DAPL1: variants seen among roughly 807,000 people sequenced by gnomAD.
DAPL1 encodes the protein death-associated protein-like 1.
In DAPL1, 17 loss-of-function variants were observed where a neutral mutation model predicts 12.9. That is an observed-to-expected ratio of 1.32 (90% CI 0.90 to 1.98). The LOEUF is 1.98. Ranked by LOEUF, DAPL1 falls within the 30% of genes most tolerant of loss-of-function variation. The pLI, the probability that DAPL1 is intolerant of heterozygous loss-of-function variation, is 0.00. For synonymous variants in DAPL1, 51 were observed against 42.0 expected, an observed-to-expected ratio of 1.21 and a Z score of -0.82; for missense variants, 157 against 125.7, an observed-to-expected ratio of 1.25 and a Z score of -1.19.
intron 3 of DAPL1, among the ~76,000 whole-genome samples, chr2:158,814,331 C>T (rs905501499): frequency 6.6e-6 from 1 of 151,964 alleles, no homozygotes; most frequent in African/African-American, 2.4e-5. Flanking sequence ...TCTAATGCAA[C>T]ATTTATGATC....
intron 1 of DAPL1, among the ~76,000 whole-genome samples, chr2:158,796,292 C>T (rs776468230): frequency 2.6e-5 from 4 of 152,174 alleles, no homozygotes; most frequent in Admixed American, 6.5e-5. Flanking sequence ...TTCTCTGGCA[C>T]CTCTAGGCCA....
chr2:158,802,187 G>A (rs1326031816), intron 1 of DAPL1, among the ~76,000 whole-genome samples: 1 of 152,178 alleles, frequency 6.6e-6, no homozygotes, highest in Non-Finnish European at 1.5e-5. Flanking sequence ...CTCTGCTAAG[G>A]GCAATTTGGC....
intron 3 of DAPL1, among the ~76,000 whole-genome samples, chr2:158,812,555 A>G (rs1042187003): frequency 3.3e-5 from 5 of 152,198 alleles, no homozygotes; most frequent in Admixed American, 2.0e-4. Context: ...GCACTTTGGG[A>G]GGCCAAGGCA....
At chr2:158,812,404 T>C (rs1248911881) in intron 3 of DAPL1, among the ~76,000 whole-genome samples, 1 of 152,202 alleles carries the variant, frequency 6.6e-6, no homozygotes, top group Non-Finnish European at 1.5e-5. Context: ...TCAGTTAAAA[T>C]GTAACCCTTA....
chr2:158,812,674 G>A (rs1380661808), intron 3 of DAPL1, among the ~76,000 whole-genome samples: 1 of 151,756 alleles, frequency 6.6e-6, no homozygotes, highest in Admixed American at 6.6e-5. Context: ...ACATGCCTGA[G>A]GTCCCAGTTA....
At chr2:158,802,545 G>A (rs781662786) in intron 1 of DAPL1, among the ~76,000 whole-genome samples, 8 of 152,170 alleles carry the variant, frequency 5.3e-5, no homozygotes, top group South Asian at 4.1e-4. Context: ...ATGCTTTGAT[G>A]TACTCACACA....
intron 3 of DAPL1, among the ~76,000 whole-genome samples, chr2:158,808,573 C>T (rs966395424): frequency 2.0e-5 from 3 of 152,160 alleles, no homozygotes; most frequent in African/African-American, 7.2e-5. Flanking sequence ...TGAGCCATAG[C>T]TACAGAGCCT....
intron 3 of DAPL1, among the ~76,000 whole-genome samples, chr2:158,808,458 C>T (rs1454251730): frequency 6.6e-6 from 1 of 152,196 alleles, no homozygotes; most frequent in African/African-American, 2.4e-5. Flanking sequence ...CCTCTTTGCA[C>T]TCTGTCAGGG....
In DAPL1 at chr2:158,804,342, C is replaced by T. The variant is rs753868581; in HGVS notation, c.119C>T (p.Thr40Ile). ...GAAATTGGCACCTTGGAAAGACATA[C>T]CAAAAAAACAGGATTCGAGAAAACA... Reference protein sequence around the residue: ...KQEIGTLERHTKKTGFEKTSA... With the variant: ...KQEIGTLERHIKKTGFEKTSA... The change falls in exon 2 of 4, where the codon ACC (threonine) becomes ATC (isoleucine). Residue 40 changes from threonine (T) to isoleucine (I), a missense_variant. Thr to Ile is a moderately conservative substitution (Grantham distance 89). Coordinates refer to ENST00000309950, the MANE Select transcript of DAPL1 (RefSeq NM_001017920.3). 1.9e-6 allele frequency: 3 copies of T among 1,610,846 alleles called. No homozygotes were observed. Among genetic ancestry groups the T allele is most frequent in the African/African-American group, 2.7e-5 (2 of 74,776 alleles).
intron 1 of DAPL1, 88 bp from the exon 2 acceptor site, chr2:158,804,194 A>G: frequency 4.7e-6 from 4 of 853,888 alleles, no homozygotes; most frequent in Non-Finnish European, 7.2e-6. Context: ...TTCAAAAATT[A>G]TTTTCAAATC....
At chr2:158,811,356 G>A (rs1391235171) in intron 3 of DAPL1, among the ~76,000 whole-genome samples, 1 of 152,168 alleles carries the variant, frequency 6.6e-6, no homozygotes, top group African/African-American at 2.4e-5. Flanking sequence ...GCTTAACAGG[G>A]TGTGGAAATT....
intron 1 of DAPL1, among the ~76,000 whole-genome samples, chr2:158,801,998 G>A (rs2059170263): frequency 6.6e-6 from 1 of 152,146 alleles, no homozygotes; most frequent in Admixed American, 6.5e-5. Context: ...CTAAAACACA[G>A]AACCAAGCTC....
intron 3 of DAPL1, among the ~76,000 whole-genome samples, chr2:158,815,030 A>G (rs1363507324): frequency 2.0e-5 from 3 of 152,248 alleles, no homozygotes; most frequent in Non-Finnish European, 4.4e-5. Flanking sequence ...TGGGTTGCAT[A>G]TGAAATGTCT....
rs963156509 is a variant in DAPL1, at chr2:158,795,335, C to T, written c.-38C>T. 6.4e-7 allele frequency: 1 copy of T among 1,551,724 alleles called. No individual in the cohort carries two copies. The highest frequency in any genetic ancestry group is 8.7e-7 in the Non-Finnish European group (1 of 1,147,064). ...GGCAGCCACAGCTGGCATTCAGCCT[C>T]CAGAGCACCAGCACTGGCACTGGCA... On this transcript the variant is annotated 5_prime_UTR_variant, in exon 1 of 4. Transcript: ENST00000309950.
chr2:158,800,150 G>C (rs1275575626), intron 1 of DAPL1, among the ~76,000 whole-genome samples: 1 of 151,062 alleles, frequency 6.6e-6, no homozygotes, highest in East Asian at 1.9e-4. Flanking sequence ...GGATTTTTTT[G>C]AGAGGTAGAT....
chr2:158,813,865 T>G (rs2059246411), intron 3 of DAPL1, among the ~76,000 whole-genome samples: 1 of 152,154 alleles, frequency 6.6e-6, no homozygotes, highest in Admixed American at 6.6e-5. Context: ...TCCTTTCCTT[T>G]TTCTTTTCCT....
chr2:158,798,116 C>A (rs1333141200), intron 1 of DAPL1, among the ~76,000 whole-genome samples: 2 of 152,142 alleles, frequency 1.3e-5, no homozygotes, highest in Non-Finnish European at 2.9e-5. Flanking sequence ...GAAAGAAGAG[C>A]AGTGGTTCAT....
chr2:158,799,140 C>T (rs560191289), intron 1 of DAPL1, among the ~76,000 whole-genome samples: 3 of 152,268 alleles, frequency 2.0e-5, no homozygotes, highest in African/African-American at 7.2e-5. Context: ...ATTTTCCCCG[C>T]TTAAATTTAG....
intron 1 of DAPL1, among the ~76,000 whole-genome samples, chr2:158,797,185 G>T (rs2059139308): frequency 6.6e-6 from 1 of 152,122 alleles, no homozygotes; most frequent in Admixed American, 6.6e-5. Flanking sequence ...GACAGACCTG[G>T]GTTTGAACCT....
Sources: gnomAD v4.1 joint callset for allele counts (sites outside exome capture counted in the v4.1 genomes callset) on GRCh38, gnomAD v4.1.1 for gene constraint, MANE v1.5 for transcripts, NCBI Gene and HGNC (gene_info 2026-07-23, HGNC 2026-07-21) for gene names.